POU2F1: variants seen among roughly 807,000 people sequenced by gnomAD.
The protein encoded by POU2F1 is POU domain, class 2, transcription factor 1.
POU2F1 carries 16 observed loss-of-function variants against 84.9 expected under a neutral mutation model. The ratio of observed to expected loss-of-function variants is 0.19; its 90% CI spans 0.13 to 0.29. The LOEUF (loss-of-function observed/expected upper bound fraction) is 0.29. Among genes scored for constraint, POU2F1 ranks in the 10% least tolerant of loss-of-function variants. The pLI is 1.00. For synonymous variants in POU2F1, 368 were observed against 368.3 expected, an observed-to-expected ratio of 1.00 and a Z score of 0.01; for missense variants, 738 against 942.6, an observed-to-expected ratio of 0.78 and a Z score of 2.84.
chr1:167,370,243 A>G (rs1395070939), intron 4 of POU2F1, 29 bp downstream of exon 4: 1 of 1,547,770 alleles, frequency 6.5e-7, no homozygotes, highest in South Asian at 1.2e-5. Context: ...TTATGGGTCA[A>G]TCTTTTATTT....
chr1:167,406,999 CATAA>C (rs1387277631), intron 13 of POU2F1, among the ~76,000 whole-genome samples: 8 of 150,092 alleles, frequency 5.3e-5, no homozygotes, highest in Admixed American at 2.0e-4. Context: ...CACATTATAG[CATAA>C]ATATATATTT....
At chr1:167,354,241 T>C (rs536277254) in intron 2 of POU2F1, among the ~76,000 whole-genome samples, 8 of 152,362 alleles carry the variant, frequency 5.3e-5, no homozygotes, top group African/African-American at 1.9e-4. Context: ...ACTTTGTACT[T>C]ATCTCTTGAT....
intron 13 of POU2F1, among the ~76,000 whole-genome samples, chr1:167,404,179 C>CT (rs1018018570): frequency 5.8e-4 from 81 of 140,626 alleles, no homozygotes; most frequent in East Asian, 2.5e-3. Flanking sequence ...GGTAATTTAT[C>CT]TTTTTTTTTT....
intron 8 of POU2F1, among the ~76,000 whole-genome samples, chr1:167,385,972 T>G (rs73024297): frequency 6.6e-6 from 1 of 152,076 alleles, no homozygotes; most frequent in African/African-American, 2.4e-5. Flanking sequence ...AAAGATGATA[T>G]GTAAATGTCC....
chr1:167,270,565 CAG>C (rs780905480), intron 1 of POU2F1, among the ~76,000 whole-genome samples: 13 of 152,254 alleles, frequency 8.5e-5, no homozygotes, highest in East Asian at 1.9e-4. Flanking sequence ...GAGAGACAGA[CAG>C]AGAGTCAGAC....
In POU2F1 at chr1:167,416,304, G is replaced by C. The variant is rs901680203; in HGVS notation, c.*494G>C. Reference sequence around the variant, plus strand: ...GTACAGGCCATTAAGTCATAACAAGGTGTTTATAATCGTATCAATTGTGTT... The same window carrying C: ...GTACAGGCCATTAAGTCATAACAAGCTGTTTATAATCGTATCAATTGTGTT... On this transcript the variant is annotated 3_prime_UTR_variant, in exon 16 of 16. Coordinates refer to ENST00000367866, the MANE Select transcript of POU2F1 (RefSeq NM_002697.4). The C allele has an allele frequency of 1.2e-5, 3 of 258,872 alleles. No homozygotes were observed. In the South Asian group the frequency reaches 1.2e-4, roughly 11 times the overall value. 16.0% of individuals were successfully genotyped at this position (258,872 alleles called of 1,614,324 possible).
intron 1 of POU2F1, among the ~76,000 whole-genome samples, chr1:167,294,462 A>G (rs952197135): frequency 6.6e-6 from 1 of 152,198 alleles, no homozygotes; most frequent in Non-Finnish European, 1.5e-5. Context: ...AAAAGAAATA[A>G]TCATCCGAGT....
intron 1 of POU2F1, among the ~76,000 whole-genome samples, chr1:167,319,416 T>C (rs908371563): frequency 1.3e-5 from 2 of 152,116 alleles, no homozygotes; most frequent in African/African-American, 4.8e-5. Context: ...AAATTTAAAG[T>C]CAGTAATGCT....
Position 167,341,732 on chromosome 1 carries a change from A to G in POU2F1, c.127+9197A>G, listed in dbSNP as rs534743858. Among the ~76,000 whole-genome samples the G allele has an allele frequency of 3.9e-5, 6 of 152,310 alleles. No individual in the cohort carries two copies. The South Asian group carries it at 1.2e-3, about 32-fold the overall frequency. On this transcript the variant is annotated intron_variant, in intron 2 of 15. Coordinates refer to ENST00000367866, the MANE Select transcript of POU2F1 (RefSeq NM_002697.4). ...ACTCTTTTAGCCTTGCCATCTACAGACAGCTTAAGTGTTAGCTCAGTGATC... is the reference window on the plus strand; with the variant it reads ...ACTCTTTTAGCCTTGCCATCTACAGGCAGCTTAAGTGTTAGCTCAGTGATC...
chr1:167,397,945 A>C, intron 10 of POU2F1, 49 bp from the exon 11 acceptor site: 3 of 1,553,236 alleles, frequency 1.9e-6, no homozygotes, highest in Non-Finnish European at 2.6e-6. Context: ...ATGCACATGA[A>C]TCACTGTGCT....
At chr1:167,262,215 G>A (rs1416328685) in intron 1 of POU2F1, among the ~76,000 whole-genome samples, 1 of 151,872 alleles carries the variant, frequency 6.6e-6, no homozygotes, top group African/African-American at 2.4e-5. Context: ...AGGTGCCATG[G>A]CTACTCACAG....
chr1:167,340,291 G>A (rs969309017), intron 2 of POU2F1, among the ~76,000 whole-genome samples: 1 of 152,046 alleles, frequency 6.6e-6, no homozygotes, highest in African/African-American at 2.4e-5. Context: ...TGTTGGTCAG[G>A]CTGGTCTCGA....
chr1:167,265,601 G>A (rs1463476789), intron 1 of POU2F1, among the ~76,000 whole-genome samples: 1 of 152,150 alleles, frequency 6.6e-6, no homozygotes, highest in Non-Finnish European at 1.5e-5. Context: ...ATGAGACAGT[G>A]CATGCAGTAG....
intron 2 of POU2F1, among the ~76,000 whole-genome samples, chr1:167,351,719 G>A (rs970861447): frequency 1.3e-5 from 2 of 151,954 alleles, no homozygotes; most frequent in African/African-American, 4.8e-5. Flanking sequence ...ATTTCATAAT[G>A]ACTAGGATTT....
intron 1 of POU2F1, among the ~76,000 whole-genome samples, chr1:167,322,573 T>C (rs1656395716): frequency 6.6e-6 from 1 of 152,170 alleles, no homozygotes; most frequent in Non-Finnish European, 1.5e-5. Context: ...GGTGAGGGAA[T>C]GGCCTGAGCC....
At chr1:167,224,105 T>C (rs1648443254) in intron 1 of POU2F1, among the ~76,000 whole-genome samples, 2 of 152,340 alleles carry the variant, frequency 1.3e-5, no homozygotes, top group South Asian at 4.1e-4. Flanking sequence ...GTTTTTGTAA[T>C]ACAGAAAAGG....
intron 1 of POU2F1, among the ~76,000 whole-genome samples, chr1:167,272,794 T>A (rs776142514): frequency 2.0e-5 from 3 of 152,068 alleles, no homozygotes; most frequent in Non-Finnish European, 4.4e-5. Context: ...CCAAACCGTA[T>A]CATTCTGCCC....
At chr1:167,352,444 A>G (rs1658642213) in intron 2 of POU2F1, among the ~76,000 whole-genome samples, 2 of 152,280 alleles carry the variant, frequency 1.3e-5, no homozygotes, top group Admixed American at 1.3e-4. Context: ...TTTGTCACTT[A>G]GCTAATATTT....
At chr1:167,222,545 A>AGGG (rs1396728554) in intron 1 of POU2F1, among the ~76,000 whole-genome samples, 1 of 151,654 alleles carries the variant, frequency 6.6e-6, no homozygotes, top group Non-Finnish European at 1.5e-5. Flanking sequence ...CTGGGAAGAG[A>AGGG]GGGGGGAAGC....
Sources: gnomAD v4.1 joint callset for allele counts (sites outside exome capture counted in the v4.1 genomes callset) on GRCh38, gnomAD v4.1.1 for gene constraint, MANE v1.5 for transcripts, NCBI Gene and HGNC (gene_info 2026-07-23, HGNC 2026-07-21) for gene names.